SNTG1: variants seen among roughly 807,000 people sequenced by gnomAD.
SNTG1 encodes gamma-1-syntrophin.
SNTG1 carries 39 observed loss-of-function variants against 74.7 expected under a neutral mutation model. The ratio of observed to expected loss-of-function variants is 0.52; its 90% CI spans 0.40 to 0.68. SNTG1 has a LOEUF of 0.68. Among genes scored for constraint, SNTG1 ranks in the 30% least tolerant of loss-of-function variants. The pLI is 0.00. For synonymous variants in SNTG1, 254 were observed against 217.1 expected, an observed-to-expected ratio of 1.17 and a Z score of -1.49; for missense variants, 685 against 609.5, an observed-to-expected ratio of 1.12 and a Z score of -1.30.
chr8:50,748,481 C>T (rs1220909290), intron 17 of SNTG1, among the ~76,000 whole-genome samples: 1 of 151,952 alleles, frequency 6.6e-6, no homozygotes, highest in East Asian at 1.9e-4. Flanking sequence ...CTATAACTTG[C>T]TCTTCATATG....
chr8:50,786,724 A>G (rs1212160039), intron 18 of SNTG1, among the ~76,000 whole-genome samples: 1 of 152,022 alleles, frequency 6.6e-6, no homozygotes, highest in East Asian at 1.9e-4. Flanking sequence ...GTGCTTTTCA[A>G]CACAGCAGAA....
rs558093976 is a variant in SNTG1, at chr8:50,397,294, AG to A, written c.27+3030del. The stretch of plus-strand genomic sequence containing the variant: ...GTTACATTAATAAAAAGAAAGAAGA[AG>A]ATTCATGTCTTTAGTTTATATTAAA... On this transcript the variant is annotated intron_variant, in intron 3 of 18. Transcript: ENST00000642720. Among the ~76,000 whole-genome samples the A allele has an allele frequency of 1.3e-3, 204 of 152,358 alleles. 6 individuals carry two copies. Among genetic ancestry groups the A allele is most frequent in the Admixed American group, 0.011 (164 of 15,302 alleles).
intron 1 of SNTG1, among the ~76,000 whole-genome samples, chr8:50,095,535 A>G (rs1418924872): frequency 6.6e-6 from 1 of 152,160 alleles, no homozygotes. Flanking sequence ...ATTTTTATAC[A>G]AGCACATTTC....
intron 15 of SNTG1, among the ~76,000 whole-genome samples, chr8:50,664,124 G>A (rs1015978841): frequency 2.6e-5 from 4 of 152,298 alleles, no homozygotes; most frequent in African/African-American, 9.6e-5. Flanking sequence ...CAACATGGAA[G>A]TTAGAGAAAA....
chr8:50,728,991 A>G (rs1322114391), intron 17 of SNTG1, among the ~76,000 whole-genome samples: 1 of 152,238 alleles, frequency 6.6e-6, no homozygotes, highest in African/African-American at 2.4e-5. Flanking sequence ...GGGGCTGTTG[A>G]AGAGGAAACC....
chr8:50,201,584 C>A (rs552630161), intron 2 of SNTG1, among the ~76,000 whole-genome samples: 1 of 152,158 alleles, frequency 6.6e-6, no homozygotes, highest in South Asian at 2.1e-4. Flanking sequence ...TGTTTACTTT[C>A]TGAGTTCTAG....
At chr8:50,204,927 C>G (rs1480814506) in intron 2 of SNTG1, among the ~76,000 whole-genome samples, 3 of 152,108 alleles carry the variant, frequency 2.0e-5, no homozygotes, top group Non-Finnish European at 4.4e-5. Flanking sequence ...GCATAGTATT[C>G]CATGGTATAT....
chr8:50,029,573 C>G (rs568518130), intron 1 of SNTG1, among the ~76,000 whole-genome samples: 1 of 152,184 alleles, frequency 6.6e-6, no homozygotes, highest in East Asian at 1.9e-4. Context: ...TTTTAATTTT[C>G]AGCTCCCACA....
At chr8:50,084,925 A>T (rs1253988180) in intron 1 of SNTG1, among the ~76,000 whole-genome samples, 1 of 152,202 alleles carries the variant, frequency 6.6e-6, no homozygotes, top group Non-Finnish European at 1.5e-5. Flanking sequence ...TGGGCTTTCC[A>T]GACTTCAGAA....
At chr8:50,247,558 T>C (rs2086455145) in intron 2 of SNTG1, among the ~76,000 whole-genome samples, 3 of 152,180 alleles carry the variant, frequency 2.0e-5, no homozygotes, top group Non-Finnish European at 4.4e-5. Context: ...CAGGCTGCAG[T>C]ATAGTGGCAT....
intron 1 of SNTG1, among the ~76,000 whole-genome samples, chr8:50,056,627 A>C (rs1563531464): frequency 6.6e-6 from 1 of 152,184 alleles, no homozygotes; most frequent in African/African-American, 2.4e-5. Flanking sequence ...AAGCAGTCAC[A>C]TCATTAGTAA....
At chr8:50,061,245 GATTA>G (rs1449599847) in intron 1 of SNTG1, among the ~76,000 whole-genome samples, 3 of 152,178 alleles carry the variant, frequency 2.0e-5, no homozygotes, top group Non-Finnish European at 2.9e-5. Context: ...GAATAATTTA[GATTA>G]ATTATCCTTT....
chr8:50,025,714 G>A (rs749187360), intron 1 of SNTG1, among the ~76,000 whole-genome samples: 1 of 152,106 alleles, frequency 6.6e-6, no homozygotes, highest in Non-Finnish European at 1.5e-5. Flanking sequence ...AAAAAGTGTG[G>A]ATATCTCAGT....
intron 4 of SNTG1, among the ~76,000 whole-genome samples, chr8:50,409,032 G>T (rs1202183343): frequency 1.3e-5 from 2 of 152,092 alleles, no homozygotes; most frequent in Admixed American, 1.3e-4. Context: ...TCTAAAGAAG[G>T]TGACTTAACA....
At chr8:50,339,602 C>T (rs1019941440) in intron 2 of SNTG1, among the ~76,000 whole-genome samples, 8 of 151,498 alleles carry the variant, frequency 5.3e-5, no homozygotes, top group African/African-American at 1.9e-4. Flanking sequence ...ATGTATATTT[C>T]TAATATTAGG....
At chr8:50,329,099 C>T (rs1013126825) in intron 2 of SNTG1, among the ~76,000 whole-genome samples, 1 of 152,186 alleles carries the variant, frequency 6.6e-6, no homozygotes, top group Admixed American at 6.5e-5. Context: ...CCATGTCTCA[C>T]ATCCAGGTCA....
At chr8:50,059,475 A>G (rs764430155) in intron 1 of SNTG1, among the ~76,000 whole-genome samples, 10 of 152,212 alleles carry the variant, frequency 6.6e-5, no homozygotes, top group Non-Finnish European at 1.3e-4. Context: ...AAGAAACACT[A>G]TACCTCTAAA....
At chr8:50,408,682 C>T (rs2092910159) in intron 4 of SNTG1, among the ~76,000 whole-genome samples, 1 of 152,146 alleles carries the variant, frequency 6.6e-6, no homozygotes, top group Admixed American at 6.5e-5. Context: ...TCCAGTCAGG[C>T]AAAATGTTGG....
intron 12 of SNTG1, among the ~76,000 whole-genome samples, chr8:50,585,853 G>C (rs2094644826): frequency 1.3e-5 from 2 of 152,042 alleles, no homozygotes; most frequent in Non-Finnish European, 2.9e-5. Flanking sequence ...TAAAAAGTAA[G>C]TATTTTTCAA....
Sources: gnomAD v4.1 joint callset for allele counts (sites outside exome capture counted in the v4.1 genomes callset) on GRCh38, gnomAD v4.1.1 for gene constraint, MANE v1.5 for transcripts, NCBI Gene and HGNC (gene_info 2026-07-23, HGNC 2026-07-21) for gene names.